Variants in NFKB1 observed in about 807,000 individuals in gnomAD.
The protein encoded by NFKB1 is nuclear factor NF-kappa-B p105 subunit.
NFKB1 carries 9 observed loss-of-function variants against 105.1 expected under a neutral mutation model. That is an observed-to-expected ratio of 0.09 (90% confidence interval 0.05 to 0.15). NFKB1 has a LOEUF of 0.15. Among genes scored for constraint, NFKB1 ranks in the 10% least tolerant of loss-of-function variants. The pLI is 1.00. For missense variants in NFKB1, 830 were observed against 1,203.7 expected (o/e 0.69, Z 4.59); for synonymous variants, 440 against 442.2 (o/e 1.00, Z 0.06).
chr4:102,547,004 GA>G (rs1431272501), intron 5 of NFKB1, among the ~76,000 whole-genome samples: 1 of 152,070 alleles, frequency 6.6e-6, no homozygotes, highest in Non-Finnish European at 1.5e-5. Context: ...GAGCCTTGCA[GA>G]AAAGCATAAA....
chr4:102,540,628 A>G (rs1741938148), intron 5 of NFKB1, among the ~76,000 whole-genome samples: 2 of 152,192 alleles, frequency 1.3e-5, no homozygotes, highest in African/African-American at 2.4e-5. Context: ...GAATATGACT[A>G]TACAAGCTGT....
chr4:102,508,640 T>C (rs1739584356), intron 1 of NFKB1, among the ~76,000 whole-genome samples: 1 of 152,216 alleles, frequency 6.6e-6, no homozygotes, highest in African/African-American at 2.4e-5. Flanking sequence ...TTCTCTACCC[T>C]ATTCATTTAA....
At position 102,567,128 on chromosome 4, in the gene NFKB1, G is replaced by C; in HGVS notation, c.400G>C (p.Val134Leu). The C allele has an allele frequency of 6.2e-7, 1 of 1,613,710 alleles. No individual in the cohort carries two copies. The highest frequency in any genetic ancestry group is 8.5e-7 in the Non-Finnish European group (1 of 1,179,634). The change falls in exon 6 of 24, where the codon GTG becomes CTG. Residue 134 changes from valine to leucine, a missense_variant. Transcript: ENST00000226574. The part of the protein sequence containing the change: ...CTVTAGPKDM[V>L]VGFANLGILH... ...TGTAACTGCTGGACCCAAGGACATG[G>C]TGGTCGGGTAAGTAGGGGTATATGA...
At chr4:102,611,082 T>TC (rs1728366905) in intron 20 of NFKB1, among the ~76,000 whole-genome samples, 1 of 152,168 alleles carries the variant, frequency 6.6e-6, no homozygotes, top group Admixed American at 6.5e-5. Flanking sequence ...GATGTAAAAA[T>TC]AAACTAAGAA....
chr4:102,515,107 A>ATTTTTATTTTTT (rs1740056784), intron 1 of NFKB1, among the ~76,000 whole-genome samples: 1 of 95,656 alleles, frequency 1.0e-5, no homozygotes, highest in Non-Finnish European at 1.9e-5. Flanking sequence ...TATTATTATT[A>ATTTTTATTTTTT]TTTTTTTTTT....
At chr4:102,526,970 A>G (rs185575345) in intron 2 of NFKB1, among the ~76,000 whole-genome samples, 3 of 152,168 alleles carry the variant, frequency 2.0e-5, no homozygotes, top group East Asian at 3.9e-4. Context: ...ATGTATATAC[A>G]TAATCATTTG....
chr4:102,537,930 A>G lies in NFKB1; in HGVS notation c.232A>G (p.Asn78Asp). ...GGLPGASSEK[N>D]KKSYPQVKIC... ...ACTACCTGGTGCCTCTAGTGAAAAG[A>G]ACAAGAAGTCTTACCCTCAGGTCAA... Residue 78 changes from asparagine (N) to aspartate (D), a missense_variant, in exon 5 of 24, where the codon AAC becomes GAC. Transcript: ENST00000226574. 6.2e-7 allele frequency: 1 copy of G among 1,611,118 alleles called. No homozygotes were observed. The highest frequency in any genetic ancestry group is 8.5e-7 in the Non-Finnish European group (1 of 1,177,504).
chr4:102,596,332 GGTAA>G lies in NFKB1; in HGVS notation c.1495+3_1495+6del, dbSNP rs1289555011. On this transcript the variant is annotated splice_donor_variant and splice_donor_region_variant and intron_variant, in intron 14 of 23. Transcript: ENST00000226574. LOFTEE classifies it high-confidence loss of function. ...AAAAGAAGAGAGTGCTGGAGTTCAG[GGTAA>G]GTGAGCACACAAATTACGTTCTGTT... 6.3e-7 allele frequency: 1 copy of G among 1,598,488 alleles called. No individual in the cohort carries two copies. Among genetic ancestry groups the G allele is most frequent in the African/African-American group, 1.3e-5 (1 of 74,490 alleles).
At chr4:102,555,885 G>T (rs1040870741) in intron 5 of NFKB1, among the ~76,000 whole-genome samples, 1 of 152,176 alleles carries the variant, frequency 6.6e-6, no homozygotes, top group African/African-American at 2.4e-5. Context: ...TGTGCTTTAG[G>T]ACTACAAATC....
At chr4:102,513,962 A>T (rs1261029389) in intron 1 of NFKB1, among the ~76,000 whole-genome samples, 5 of 152,058 alleles carry the variant, frequency 3.3e-5, no homozygotes. Context: ...TCATGAGGTC[A>T]GGAGATCGAG....
In NFKB1 at chr4:102,538,966, C is replaced by T. The variant is rs376259948; in HGVS notation, c.258+1010C>T. On this transcript the variant is annotated intron_variant, in intron 5 of 23. Transcript: ENST00000226574. ...TGATGTAAAGAAATCTGGCCGGGCTCGTTGACTCATGTCTGTAATCCCAGC... is the reference window on the plus strand; with the variant it reads ...TGATGTAAAGAAATCTGGCCGGGCTTGTTGACTCATGTCTGTAATCCCAGC... 3.3e-5 allele frequency among the ~76,000 whole-genome samples: 5 copies of T among 152,142 alleles called. No homozygotes were observed. The East Asian group carries it at 7.7e-4, about 24-fold the overall frequency.
At chr4:102,570,291 A>T (rs1218049405) in intron 6 of NFKB1, among the ~76,000 whole-genome samples, 1 of 152,156 alleles carries the variant, frequency 6.6e-6, no homozygotes, top group East Asian at 1.9e-4. Flanking sequence ...GCTCCCACTT[A>T]CAAGTGAGAA....
chr4:102,517,470 C>A (rs1740267222), intron 1 of NFKB1, among the ~76,000 whole-genome samples: 1 of 151,920 alleles, frequency 6.6e-6, no homozygotes, highest in African/African-American at 2.4e-5. Context: ...ACTTAAAAAA[C>A]AAAAACAAAA....
At position 102,616,562 on chromosome 4, in the gene NFKB1, G is replaced by A. The variant is rs199909759; in HGVS notation, c.2878G>A (p.Gly960Arg). The A allele has an allele frequency of 3.5e-5, 56 of 1,614,074 alleles. No homozygotes were observed. In the South Asian group the frequency reaches 4.0e-4, roughly 11 times the overall value. ...TCTCAACAAAATGCCCCATGATTAT[G>A]GGCAGGAAGGACCTCTAGAAGGCAA... ...LTLNKMPHDY[G>R]QEGPLEGKI The change falls in exon 24 of 24, where the codon GGG (glycine) becomes AGG (arginine). Residue 960 changes from glycine to arginine, a missense_variant. By Grantham distance (125) the Gly-to-Arg change is moderately radical. Coordinates refer to ENST00000226574, the MANE Select transcript of NFKB1 (RefSeq NM_003998.4).
At chr4:102,610,516 G>A in intron 19 of NFKB1, 59 bp from the exon 20 acceptor site, 1 of 1,576,144 alleles carries the variant, frequency 6.3e-7, no homozygotes, top group Non-Finnish European at 8.7e-7. Context: ...GACCTTTGCA[G>A]GCAGTTGGAA....
chr4:102,600,713 C>A (rs1177820310), intron 15 of NFKB1, among the ~76,000 whole-genome samples, 182 bp from the exon 16 acceptor site: 1 of 152,186 alleles, frequency 6.6e-6, no homozygotes, highest in Non-Finnish European at 1.5e-5. Context: ...TTGGGAGGGA[C>A]CAGTCCTCTG....
intron 22 of NFKB1, among the ~76,000 whole-genome samples, chr4:102,612,847 C>T (rs970162417): frequency 6.6e-6 from 1 of 152,052 alleles, no homozygotes. Context: ...GAAAATGCTA[C>T]GTAGAGGGTC....
chr4:102,540,920 G>A (rs1372815050), intron 5 of NFKB1, among the ~76,000 whole-genome samples: 1 of 152,046 alleles, frequency 6.6e-6, no homozygotes, highest in Non-Finnish European at 1.5e-5. Flanking sequence ...TGTTCTCCAT[G>A]CATCTTTCTA....
chr4:102,615,591 C>T (rs942204723), intron 23 of NFKB1, among the ~76,000 whole-genome samples: 1 of 152,184 alleles, frequency 6.6e-6, no homozygotes, highest in Non-Finnish European at 1.5e-5. Context: ...AGAAAAAAAG[C>T]AAATACTTAA....
Sources: allele counts gnomAD v4.1 joint callset (sites outside exome capture counted in the v4.1 genomes callset), GRCh38; gene constraint gnomAD v4.1.1; transcripts MANE v1.5; gene names NCBI Gene and HGNC (gene_info 2026-07-23, HGNC 2026-07-21).